Variants in LRRC7 observed in about 807,000 individuals in gnomAD.
LRRC7 encodes leucine rich repeat containing 7, also known as leucine-rich repeat-containing protein 7.
Under a neutral mutation model 175.7 loss-of-function variants are expected in LRRC7, and 23 were observed. The observed-to-expected ratio is 0.13, with a 90% CI of 0.09 to 0.19. The LOEUF (loss-of-function observed/expected upper bound fraction) is 0.19. LRRC7 is among the 10% of genes least tolerant of loss of function. The pLI, the probability that LRRC7 is intolerant of heterozygous loss-of-function variation, is 1.00. For synonymous variants in LRRC7, 685 were observed against 680.9 expected (o/e 1.01, Z -0.09); for missense variants, 1,354 against 1,904.7 (o/e 0.71, Z 5.38).
intron 3 of LRRC7, among the ~76,000 whole-genome samples, chr1:69,767,272 T>C (rs1048717942): frequency 6.6e-6 from 1 of 152,112 alleles, no homozygotes; most frequent in Admixed American, 6.6e-5. Flanking sequence ...TTTTAAAAAA[T>C]AGAATATAAC....
intron 2 of LRRC7, among the ~76,000 whole-genome samples, chr1:69,730,608 A>G (rs777795879): frequency 1.6e-4 from 24 of 152,044 alleles, no homozygotes; most frequent in Non-Finnish European, 2.6e-4. Flanking sequence ...TTTCTAGGCA[A>G]CTCCAAACTT....
At chr1:69,669,772 C>T (rs1172832713) in intron 1 of LRRC7, among the ~76,000 whole-genome samples, 2 of 151,732 alleles carry the variant, frequency 1.3e-5, no homozygotes. Context: ...TTTCTTTTGT[C>T]TTCTCTGACT....
chr1:69,859,764 G>GA (rs1436047448), intron 7 of LRRC7, among the ~76,000 whole-genome samples: 1 of 151,840 alleles, frequency 6.6e-6, no homozygotes, highest in South Asian at 2.1e-4. Context: ...TCAAAATAGT[G>GA]AAAAAAAGTT....
chr1:70,101,175 GCT>G (rs939998157), intron 25 of LRRC7, among the ~76,000 whole-genome samples: 1 of 151,924 alleles, frequency 6.6e-6, no homozygotes, highest in Non-Finnish European at 1.5e-5. Context: ...TGAATCTATG[GCT>G]CTGTTTGCTG....
intron 1 of LRRC7, among the ~76,000 whole-genome samples, chr1:69,620,234 AT>A (rs1440408638): frequency 6.7e-6 from 1 of 149,252 alleles, no homozygotes; most frequent in Non-Finnish European, 1.5e-5. Context: ...TTAAATTAAC[AT>A]TTAATGACTT....
At chr1:69,805,029 G>C (rs1242191374) in intron 4 of LRRC7, among the ~76,000 whole-genome samples, 1 of 151,662 alleles carries the variant, frequency 6.6e-6, no homozygotes, top group Admixed American at 6.6e-5. Context: ...TTCTAATTCT[G>C]CAGCAATTAA....
chr1:69,674,241 A>G (rs986509270), intron 1 of LRRC7, among the ~76,000 whole-genome samples: 5 of 152,196 alleles, frequency 3.3e-5, no homozygotes, highest in Admixed American at 3.3e-4. Context: ...CCCTAGTGGA[A>G]TTATAATCAT....
At chr1:69,763,792 T>C (rs927695265) in intron 3 of LRRC7, among the ~76,000 whole-genome samples, 2 of 152,114 alleles carry the variant, frequency 1.3e-5, no homozygotes, top group African/African-American at 4.8e-5. Context: ...AAATTATTTT[T>C]GTCTGCCATT....
intron 25 of LRRC7, among the ~76,000 whole-genome samples, chr1:70,103,208 G>A (rs527433707): frequency 2.0e-5 from 3 of 150,182 alleles, no homozygotes; most frequent in African/African-American, 4.9e-5. Context: ...CAGCCTGGGC[G>A]ACAGAATGAA....
intron 7 of LRRC7, among the ~76,000 whole-genome samples, chr1:69,921,493 A>G (rs1646887313): frequency 1.3e-5 from 2 of 152,162 alleles, no homozygotes; most frequent in South Asian, 2.1e-4. Flanking sequence ...TTCAACTAAG[A>G]GACTATCTTT....
chr1:69,665,232 G>A (rs555346383), intron 1 of LRRC7, among the ~76,000 whole-genome samples: 1 of 152,248 alleles, frequency 6.6e-6, no homozygotes, highest in Admixed American at 6.5e-5. Context: ...TTAAAGGCAG[G>A]TAATGTGATT....
intron 2 of LRRC7, among the ~76,000 whole-genome samples, chr1:69,712,708 TGTA>T (rs1471413369): frequency 6.6e-6 from 1 of 152,188 alleles, no homozygotes. Context: ...GCATTAAAAA[TGTA>T]GTATCACTAG....
At chr1:69,636,036 A>G (rs1039234142) in intron 1 of LRRC7, among the ~76,000 whole-genome samples, 1 of 152,024 alleles carries the variant, frequency 6.6e-6, no homozygotes, top group African/African-American at 2.4e-5. Flanking sequence ...AAATTGAAAA[A>G]GTTTGTTTAG....
chr1:69,945,453 T>G lies in LRRC7; in HGVS notation c.711+13883T>G, dbSNP rs114229281. Among the ~76,000 whole-genome samples, 1,182 of 152,292 alleles carry G rather than the reference T, an allele frequency of 7.8e-3. 12 individuals carry two copies. Among genetic ancestry groups the G allele is most frequent in the Middle Eastern group, 0.02 (6 of 294 alleles). On this transcript the variant is annotated intron_variant, in intron 8 of 26. Coordinates refer to ENST00000651989, the MANE Select transcript of LRRC7 (RefSeq NM_001370785.2). Reference sequence around the variant, plus strand: ...AGATAGTATGATGCCTCTAGCTTTGTTCTTTTTGCTCAAGATTGCTTTGTC... The same window carrying G: ...AGATAGTATGATGCCTCTAGCTTTGGTCTTTTTGCTCAAGATTGCTTTGTC...
intron 1 of LRRC7, among the ~76,000 whole-genome samples, chr1:69,615,118 T>A (rs533423541): frequency 1.3e-5 from 2 of 152,206 alleles, no homozygotes; most frequent in African/African-American, 4.8e-5. Flanking sequence ...TTATCACCAA[T>A]AATCCCTTTT....
intron 1 of LRRC7, among the ~76,000 whole-genome samples, chr1:69,629,783 G>T (rs949461025): frequency 1.3e-5 from 2 of 152,012 alleles, no homozygotes; most frequent in Non-Finnish European, 2.9e-5. Context: ...TGCATAGATT[G>T]ATGCTATTAA....
intron 1 of LRRC7, among the ~76,000 whole-genome samples, chr1:69,585,973 A>C (rs1245055): frequency 0.4 from 61,516 of 152,016 alleles, 13,274 homozygotes; most frequent in Middle Eastern, 0.48. Context: ...GGCTTACAAA[A>C]ATGATTCTTA....
At chr1:69,908,002 G>T (rs1271562739) in intron 7 of LRRC7, among the ~76,000 whole-genome samples, 2 of 152,190 alleles carry the variant, frequency 1.3e-5, no homozygotes, top group African/African-American at 2.4e-5. Flanking sequence ...GGGTGTATGT[G>T]TCGAGGAATT....
intron 1 of LRRC7, among the ~76,000 whole-genome samples, chr1:69,578,981 A>T (rs976912406): frequency 1.3e-5 from 2 of 152,076 alleles, no homozygotes; most frequent in African/African-American, 4.8e-5. Flanking sequence ...CATGGAAAAA[A>T]AAGTTGTATT....
Sources: gnomAD v4.1 joint callset for allele counts (sites outside exome capture counted in the v4.1 genomes callset) on GRCh38, gnomAD v4.1.1 for gene constraint, MANE v1.5 for transcripts, NCBI Gene and HGNC (gene_info 2026-07-23, HGNC 2026-07-21) for gene names.